ZFYVE1: variants seen among roughly 807,000 people sequenced by gnomAD.
The protein encoded by ZFYVE1 is zinc finger FYVE domain-containing protein 1.
Under a neutral mutation model 74.4 loss-of-function variants are expected in ZFYVE1, and 30 were observed. That is an observed-to-expected ratio of 0.40 (90% CI 0.30 to 0.55). The LOEUF (loss-of-function observed/expected upper bound fraction) is 0.55. ZFYVE1 is among the 20% of genes least tolerant of loss of function. The probability of loss-of-function intolerance (pLI) is 0.42; values close to 1 mark genes in which losing one functional copy is unlikely to be tolerated. For missense variants in ZFYVE1, 703 were observed against 1,011.6 expected (o/e 0.69, Z 4.14); for synonymous variants, 335 against 385.1 (o/e 0.87, Z 1.52).
chr14:73,017,382 G>C (rs1223323426), intron 2 of ZFYVE1, among the ~76,000 whole-genome samples: 1 of 152,132 alleles, frequency 6.6e-6, no homozygotes, highest in Non-Finnish European at 1.5e-5. Flanking sequence ...TCCCCCAAAA[G>C]CTCAGTTGTG....
At chr14:72,989,591 A>T (rs1470051524) in intron 4 of ZFYVE1, among the ~76,000 whole-genome samples, 1 of 152,210 alleles carries the variant, frequency 6.6e-6, no homozygotes, top group African/African-American at 2.4e-5. Context: ...CCAAATACTC[A>T]AATATAACTG....
At chr14:73,019,715 A>AG (rs1449543532) in intron 2 of ZFYVE1, among the ~76,000 whole-genome samples, 1 of 152,126 alleles carries the variant, frequency 6.6e-6, no homozygotes, top group Admixed American at 6.6e-5. Flanking sequence ...GCACTTTGGG[A>AG]GGCCAAGGCA....
intron 3 of ZFYVE1, 128 bp from the exon 4 acceptor site, chr14:72,993,485 C>A: frequency 1.4e-6 from 1 of 738,792 alleles, no homozygotes; most frequent in Non-Finnish European, 2.1e-6. Context: ...GGTGGATCAC[C>A]CGAGGTCAGG....
rs878874350 is a variant in ZFYVE1 at position 72,970,537 on chromosome 14, C to CG, written c.*344dup. ...CTCACCCTGTGCGGAGGAGACTGTG[C>CG]GAAGTCTTCACAGCCAGCAGCAGCC... On this transcript the variant is annotated 3_prime_UTR_variant, in exon 12 of 12. Coordinates refer to ENST00000556143, the MANE Select transcript of ZFYVE1 (RefSeq NM_021260.4). The CG allele has an allele frequency of 3.5e-6, 1 of 287,312 alleles. No homozygotes were observed. The highest frequency in any genetic ancestry group is 4.1e-5 in the South Asian group (1 of 24,404). 17.8% of individuals were successfully genotyped at this position (287,312 alleles called of 1,614,324 possible). A position where few individuals can be genotyped will look rare whatever the true frequency, so the allele number is the denominator to read the frequency against.
Position 72,992,621 on chromosome 14 carries a change from C to A in ZFYVE1, c.1203+522G>T, listed in dbSNP as rs1320632472. 2.7e-5 allele frequency among the ~76,000 whole-genome samples: 3 copies of A among 111,196 alleles called. 1 individual carries two copies. Among genetic ancestry groups the A allele is most frequent in the Non-Finnish European group, 5.9e-5 (3 of 50,838 alleles). 72.9% of individuals were successfully genotyped at this position (111,196 alleles called of 152,430 possible). A position where few individuals can be genotyped will look rare whatever the true frequency, so the allele number is the denominator to read the frequency against. ...GGGGAGGTCCCATTCAGGTGCCCCCCCCGCCCCTTGCAAGAGAGAGAGAGC... is the reference window on the plus strand; with the variant it reads ...GGGGAGGTCCCATTCAGGTGCCCCCACCGCCCCTTGCAAGAGAGAGAGAGC... On this transcript the variant is annotated intron_variant, in intron 4 of 11. Transcript: ENST00000556143.
chr14:73,026,274 A>G (rs1015727214), intron 1 of ZFYVE1, among the ~76,000 whole-genome samples: 8 of 152,206 alleles, frequency 5.3e-5, no homozygotes, highest in Non-Finnish European at 1.2e-4. Context: ...AAAATACGAA[A>G]AAAGATAACT....
Position 72,974,884 on chromosome 14 carries a change from A to G in ZFYVE1, c.1882T>C (p.Cys628Arg). 1 of 1,614,168 alleles carries G rather than the reference A, an allele frequency of 6.2e-7. No homozygotes were observed. Among genetic ancestry groups the G allele is most frequent in the Non-Finnish European group, 8.5e-7 (1 of 1,180,002 alleles). The change falls in exon 10 of 12, where the codon TGT (cysteine) becomes CGT (arginine). Residue 628 changes from cysteine (C) to arginine (R), a missense_variant. Physicochemically the swap from Cys to Arg is radical, Grantham distance 180 (BLOSUM62 -3). Around this residue, in one of 2 missense-constraint regions of ZFYVE1, gnomAD observed 492 missense variants for 790.0 expected, o/e 0.62. Coordinates refer to ENST00000556143, the MANE Select transcript of ZFYVE1 (RefSeq NM_021260.4). ...CGAGTCTTTGATGAACAGCTGTCAC[A>G]GAAGCCCTCCCCACAGGCTCGGCAG... is the stretch of plus-strand genomic sequence containing the variant. ...HHCRACGEGF[C>R]DSCSSKTRPV...
chr14:72,983,599 C>T (rs1239038264), intron 4 of ZFYVE1, among the ~76,000 whole-genome samples: 2 of 151,988 alleles, frequency 1.3e-5, no homozygotes, highest in Non-Finnish European at 2.9e-5. Context: ...TCCAGTCTAT[C>T]ATTGATGGAC....
At chr14:73,008,635 T>C (rs1391303638) in intron 2 of ZFYVE1, among the ~76,000 whole-genome samples, 2 of 152,130 alleles carry the variant, frequency 1.3e-5, no homozygotes, top group Non-Finnish European at 2.9e-5. Flanking sequence ...ACACTGGAAA[T>C]ACCGAGTCAT....
At chr14:73,021,215 G>T (rs1336275916) in intron 2 of ZFYVE1, among the ~76,000 whole-genome samples, 1 of 152,126 alleles carries the variant, frequency 6.6e-6, no homozygotes, top group African/African-American at 2.4e-5. Flanking sequence ...AGGCATGGTG[G>T]TGTGTGCCGG....
intron 11 of ZFYVE1, among the ~76,000 whole-genome samples, chr14:72,972,800 C>T (rs1448025092): frequency 6.6e-5 from 10 of 151,926 alleles, no homozygotes; most frequent in Non-Finnish European, 7.4e-5. Context: ...CTCCACCTCC[C>T]GGGTTCATGC....
chr14:72,982,399 A>G (rs535618982), intron 4 of ZFYVE1, among the ~76,000 whole-genome samples: 117 of 152,288 alleles, frequency 7.7e-4, no homozygotes, highest in African/African-American at 2.7e-3. Context: ...GAAAAAAAAA[A>G]AAGAAGAAGA....
Position 73,003,047 on chromosome 14 carries a change from T to C in ZFYVE1, c.484-4732A>G, listed in dbSNP as rs1175237617. On this transcript the variant is annotated intron_variant, in intron 2 of 11. Transcript: ENST00000556143. The stretch of plus-strand genomic sequence containing the variant: ...GTGACCACCGTGCCCAGCCCTTTTT[T>C]TCTTTTCTTTTTTTTTTTTTTTTTT... Among the ~76,000 whole-genome samples, 3 of 108,838 alleles carry C rather than the reference T, an allele frequency of 2.8e-5. No homozygotes were observed. The Admixed American group carries it at 3.2e-4, about 12-fold the overall frequency. 71.4% of individuals were successfully genotyped at this position (108,838 alleles called of 152,430 possible). A position where few individuals can be genotyped will look rare whatever the true frequency, so the allele number is the denominator to read the frequency against.
intron 6 of ZFYVE1, among the ~76,000 whole-genome samples, chr14:72,978,535 C>T (rs1298044740): frequency 7.4e-6 from 1 of 135,092 alleles, no homozygotes; most frequent in Admixed American, 8.2e-5. Context: ...CCACTGCACT[C>T]CAGCCTGGCT....
chr14:73,003,698 A>G (rs1040741879), intron 2 of ZFYVE1, among the ~76,000 whole-genome samples: 1 of 151,854 alleles, frequency 6.6e-6, no homozygotes, highest in African/African-American at 2.4e-5. Context: ...CAACAGAGCA[A>G]GACTCTAACT....
rs780750133 is a variant in ZFYVE1 at position 72,993,239 on chromosome 14, C to T, written c.1107G>A (p.Thr369=). ...YKGTRTYNPP[T]DFSGLRRALE... is the part of the protein sequence containing the mutation. Reference sequence around the variant, plus strand: ...AAGCACGCCGAAGCCCAGAAAAGTCCGTGGGAGGGTTGTAAGTCCTCGTTC... The same window carrying T: ...AAGCACGCCGAAGCCCAGAAAAGTCTGTGGGAGGGTTGTAAGTCCTCGTTC... The change falls in exon 4 of 12, where the codon ACG becomes ACA. Residue 369 remains threonine, a synonymous_variant. Coordinates refer to ENST00000556143, the MANE Select transcript of ZFYVE1 (RefSeq NM_021260.4). 6.8e-6 allele frequency: 11 copies of T among 1,613,688 alleles called. No individual in the cohort carries two copies. Among genetic ancestry groups the T allele is most frequent in the East Asian group, 2.2e-5 (1 of 44,842 alleles).
chr14:72,998,202 G>T lies in ZFYVE1; in HGVS notation c.597C>A (p.His199Gln). ...TGDGKSHTLN[H>Q]TFFYGREVFK... ...AGACTTCACGACCATAAAAGAAAGT[G>T]TGGTTGAGAGTATGAGACTTTCCAT... Residue 199 changes from histidine (H) to glutamine (Q), a missense_variant, in exon 3 of 12, where the codon CAC becomes CAA. Physicochemically the swap from His to Gln is conservative, Grantham distance 24 (BLOSUM62 0). Transcript: ENST00000556143. 2 of 1,613,914 alleles carry T rather than the reference G, an allele frequency of 1.2e-6. No homozygotes were observed. Among genetic ancestry groups the T allele is most frequent in the Non-Finnish European group, 1.7e-6 (2 of 1,180,002 alleles).
rs944559972 is a variant in ZFYVE1, at chr14:73,026,923, C to T, written c.-435+3G>A. On this transcript the variant is annotated splice_donor_region_variant and intron_variant, in intron 1 of 11. Transcript: ENST00000556143. ...CCTGCCCGCCGCGGCCCGGGGATCCCACCACTGAGAAGCTCGGCCGCAGCA... is the reference window on the plus strand; with the variant it reads ...CCTGCCCGCCGCGGCCCGGGGATCCTACCACTGAGAAGCTCGGCCGCAGCA... The T allele has an allele frequency of 5.0e-6, 2 of 398,370 alleles. No homozygotes were observed. Among genetic ancestry groups the T allele is most frequent in the Non-Finnish European group, 4.4e-6 (1 of 225,992 alleles). The allele number at this position is 398,370 out of a possible 1,614,324, so 24.7% of individuals were successfully genotyped here. A position where few individuals can be genotyped will look rare whatever the true frequency, so the allele number is the denominator to read the frequency against.
chr14:73,023,192 ATT>A (rs1894356990), intron 2 of ZFYVE1, among the ~76,000 whole-genome samples: 1 of 115,684 alleles, frequency 8.6e-6, no homozygotes, highest in Non-Finnish European at 1.8e-5. Flanking sequence ...ATATATATAT[ATT>A]TTATATATGT....
Sources: gnomAD v4.1 joint callset for allele counts (sites outside exome capture counted in the v4.1 genomes callset) on GRCh38, gnomAD v4.1.1 for gene constraint, gnomAD v4.1.1 regional missense constraint, MANE v1.5 for transcripts, NCBI Gene and HGNC (gene_info 2026-07-23, HGNC 2026-07-21) for gene names.